The following NCOA4 variants were observed in gnomAD, a reference collection of about 807,000 sequenced individuals.
NCOA4 encodes nuclear receptor coactivator 4, also known as 70 kDa AR-activator.
A neutral mutation model predicts 69.5 loss-of-function variants in NCOA4; 31 were observed. The ratio of observed to expected loss-of-function variants is 0.45; its 90% CI spans 0.34 to 0.60. NCOA4 has a LOEUF of 0.60. NCOA4 is among the 20% of genes least tolerant of loss of function. The pLI is 0.02. For synonymous variants in NCOA4, 228 were observed against 252.4 expected, an observed-to-expected ratio of 0.90 and a Z score of 0.92; for missense variants, 600 against 719.2, an observed-to-expected ratio of 0.83 and a Z score of 1.90.
intron 3 of NCOA4, 33 bp downstream of exon 3, chr10:46,015,093 C>T: frequency 1.9e-6 from 3 of 1,614,022 alleles, no homozygotes; most frequent in South Asian, 1.1e-5. Flanking sequence ...AGAAGCCATG[C>T]TCAAACCAAT....
At chr10:46,008,401 C>T (rs1171731046) in intron 9 of NCOA4, among the ~76,000 whole-genome samples, 51 of 152,122 alleles carry the variant, frequency 3.4e-4, no homozygotes, top group African/African-American at 9.4e-4. Context: ...GGATTCCCAC[C>T]CTCATGGATG....
intron 7 of NCOA4, among the ~76,000 whole-genome samples, chr10:46,012,080 A>AAAAAAAAAAAAAAAAAAC (rs1839254729): frequency 7.5e-6 from 1 of 133,936 alleles, no homozygotes; most frequent in Non-Finnish European, 1.5e-5. Context: ...GAAAAAAAAA[A>AAAAAAAAAAAAAAAAAAC]AAAAAAAAAA....
At chr10:46,011,483 GC>G (rs1839202070) in intron 7 of NCOA4, among the ~76,000 whole-genome samples, 1 of 150,362 alleles carries the variant, frequency 6.7e-6, no homozygotes, top group African/African-American at 2.5e-5. Flanking sequence ...CACCGTGTTA[GC>G]CAGGATGGTC....
intron 1 of NCOA4, among the ~76,000 whole-genome samples, chr10:46,021,356 T>C (rs1417775892): frequency 2.6e-5 from 4 of 152,158 alleles, no homozygotes; most frequent in Non-Finnish European, 5.9e-5. Flanking sequence ...ATTCTACATA[T>C]GAAGCCACAA....
intron 1 of NCOA4, among the ~76,000 whole-genome samples, chr10:46,022,196 TCTA>T (rs1839910442): frequency 1.3e-5 from 2 of 151,940 alleles, no homozygotes; most frequent in Admixed American, 6.6e-5. Context: ...TCCAAAGACC[TCTA>T]CTTTTTACTT....
chr10:46,015,675 A>C (rs782700755), intron 2 of NCOA4, among the ~76,000 whole-genome samples: 3 of 152,226 alleles, frequency 2.0e-5, no homozygotes, highest in African/African-American at 2.4e-5. Context: ...ACATAATTTA[A>C]AAACCTACGG....
chr10:46,028,396 A>G (rs1487067995), intron 1 of NCOA4, among the ~76,000 whole-genome samples: 5 of 152,168 alleles, frequency 3.3e-5, no homozygotes, highest in African/African-American at 1.2e-4. Context: ...TCACTGTTGT[A>G]TAGTAGGTGT....
At chr10:46,027,541 A>G in intron 1 of NCOA4, 4 of 1,455,200 alleles carry the variant, frequency 2.7e-6, no homozygotes, top group Non-Finnish European at 3.7e-6. Context: ...GTATGAAAAC[A>G]AAGTCAAGAT....
intron 1 of NCOA4, among the ~76,000 whole-genome samples, chr10:46,018,435 G>A (rs1839692897): frequency 6.6e-6 from 1 of 152,188 alleles, no homozygotes. Flanking sequence ...CACACTATTT[G>A]ACTACATTTA....
In NCOA4 at chr10:46,014,594, C is replaced by T. The variant is rs1554922623; in HGVS notation, c.372-42G>A. ...AAAATTGGCTATTTTTAAGGAATAT[C>T]TGTTTCATCAACTTCATCTAAAACA... On this transcript the variant is annotated intron_variant, in intron 4 of 9. Coordinates refer to ENST00000581486, the MANE Select transcript of NCOA4 (RefSeq NM_001145263.2). The T allele has an allele frequency of 4.3e-6, 6 of 1,410,512 alleles. No homozygotes were observed. In the Admixed American group the frequency reaches 9.7e-5, roughly 23 times the overall value. 87.4% of individuals were successfully genotyped at this position (1,410,512 alleles called of 1,614,324 possible).
chr10:46,012,088 A>AAAAAAAAAAAAAAAC (rs1839259760), intron 7 of NCOA4, among the ~76,000 whole-genome samples: 5 of 139,100 alleles, frequency 3.6e-5, no homozygotes, highest in East Asian at 2.0e-4. Context: ...AAAAAAAAAA[A>AAAAAAAAAAAAAAAC]AAAAAAAAAA....
intron 1 of NCOA4, among the ~76,000 whole-genome samples, chr10:46,025,758 C>G (rs574197586): frequency 6.6e-6 from 1 of 152,338 alleles, no homozygotes; most frequent in Non-Finnish European, 1.5e-5. Context: ...TCCTGCATTA[C>G]CACTGTAATC....
intron 1 of NCOA4, among the ~76,000 whole-genome samples, chr10:46,019,142 C>A (rs1215202423): frequency 1.1e-4 from 16 of 152,208 alleles, no homozygotes; most frequent in Admixed American, 6.5e-4. Context: ...CCATAATCAT[C>A]TATTAAAAAG....
intron 6 of NCOA4, 23 bp from the exon 7 acceptor site, chr10:46,013,049 T>G: frequency 1.2e-6 from 2 of 1,612,368 alleles, no homozygotes; most frequent in South Asian, 1.1e-5. Flanking sequence ...AAACAAGGAA[T>G]GTCAAATGCA....
intron 5 of NCOA4, 137 bp downstream of exon 5, chr10:46,014,307 A>G (rs1839407550): frequency 1.5e-6 from 1 of 654,078 alleles, no homozygotes; most frequent in African/African-American, 1.8e-5. Flanking sequence ...GTGAGCCACC[A>G]CGCCCAGCTG....
intron 9 of NCOA4, among the ~76,000 whole-genome samples, chr10:46,007,581 C>CTTTTTTTTTTTTTTTTT (rs71026287): frequency 1.2e-5 from 1 of 85,476 alleles, no homozygotes; most frequent in African/African-American, 4.9e-5. Context: ...GCCAGTGACT[C>CTTTTTTTTTTTTTTTTT]TTTTTTTTTT....
chr10:46,030,564 TG>T lies in NCOA4; in HGVS notation c.-54del, dbSNP rs1220572595. 5.9e-5 allele frequency: 9 copies of T among 152,344 alleles called. No homozygotes were observed. In the East Asian group the frequency reaches 7.8e-4, roughly 13 times the overall value. 9.4% of individuals were successfully genotyped at this position (152,344 alleles called of 1,614,324 possible). A position where few individuals can be genotyped will look rare whatever the true frequency, so the allele number is the denominator to read the frequency against. ...CTCTCCAGGCGATCCGAGGAGACCT[TG>T]GGTGGACTGAGACACGGCCCCACAC... On this transcript the variant is annotated 5_prime_UTR_variant, in exon 1 of 10. Transcript: ENST00000581486.
intron 2 of NCOA4, 43 bp from the exon 3 acceptor site, chr10:46,015,309 A>C: frequency 1.5e-6 from 2 of 1,347,196 alleles, no homozygotes; most frequent in Non-Finnish European, 2.0e-6. Flanking sequence ...TTAATCCCAA[A>C]GAATGATGTT....
intron 7 of NCOA4, 58 bp downstream of exon 7, chr10:46,012,825 G>C: frequency 1.3e-6 from 2 of 1,588,668 alleles, no homozygotes; most frequent in African/African-American, 2.7e-5. Context: ...CTACTGATTA[G>C]TAACTAACTC....
Sources: allele counts gnomAD v4.1 joint callset (sites outside exome capture counted in the v4.1 genomes callset), GRCh38; gene constraint gnomAD v4.1.1; transcripts MANE v1.5; gene names NCBI Gene and HGNC (gene_info 2026-07-23, HGNC 2026-07-21).